Variants in PIGU observed in about 807,000 individuals in gnomAD.
PIGU encodes the protein GPI-anchor transamidase component PIGU.
A neutral mutation model predicts 49.9 loss-of-function variants in PIGU; 24 were observed. The observed-to-expected ratio is 0.48, with a 90% confidence interval of 0.35 to 0.68. PIGU has a LOEUF of 0.68. Among genes scored for constraint, PIGU ranks in the 30% least tolerant of loss-of-function variants. The pLI, the probability that PIGU is intolerant of heterozygous loss-of-function variation, is 0.01. For missense variants in PIGU, 490 were observed against 532.6 expected (o/e 0.92, Z 0.79); for synonymous variants, 220 against 205.7 (o/e 1.07, Z -0.59).
chr20:34,658,191 C>T (rs1162057898), intron 1 of PIGU, among the ~76,000 whole-genome samples: 1 of 152,264 alleles, frequency 6.6e-6, no homozygotes, highest in Non-Finnish European at 1.5e-5. Flanking sequence ...GACGGGGTTT[C>T]GCTGTGTTGG....
At chr20:34,638,808 T>C (rs550106606) in intron 4 of PIGU, among the ~76,000 whole-genome samples, 13 of 152,268 alleles carry the variant, frequency 8.5e-5, no homozygotes, top group African/African-American at 3.1e-4. Context: ...AACAAGTTCA[T>C]GGGTGTGTTC....
At chr20:34,672,608 T>C (rs1987341285) in intron 1 of PIGU, among the ~76,000 whole-genome samples, 2 of 151,970 alleles carry the variant, frequency 1.3e-5, no homozygotes, top group Non-Finnish European at 2.9e-5. Context: ...ATCCCAGCAC[T>C]TTGGGAGGCC....
chr20:34,657,835 AATTT>A (rs1003822639), intron 1 of PIGU, among the ~76,000 whole-genome samples: 28 of 152,314 alleles, frequency 1.8e-4, no homozygotes, highest in African/African-American at 6.5e-4. Flanking sequence ...CATTAATGAA[AATTT>A]ATTTCAATGA....
At chr20:34,613,202 T>C (rs551856902) in intron 7 of PIGU, among the ~76,000 whole-genome samples, 3 of 152,222 alleles carry the variant, frequency 2.0e-5, no homozygotes, top group African/African-American at 7.2e-5. Flanking sequence ...CTTGATCTAG[T>C]ACAATGTTCT....
intron 7 of PIGU, among the ~76,000 whole-genome samples, chr20:34,614,759 G>A (rs1205232573): frequency 6.6e-6 from 1 of 152,036 alleles, no homozygotes; most frequent in Non-Finnish European, 1.5e-5. Flanking sequence ...ATCATTGTCT[G>A]CATCAACACA....
rs1429131414 is a variant in PIGU at position 34,654,048 on chromosome 20, G to A, written c.195+3132C>T. Among the ~76,000 whole-genome samples the A allele has an allele frequency of 2.0e-4, 26 of 127,578 alleles. 2 individuals are homozygous for A. The allele number at this position is 127,578 out of a possible 152,430, so 83.7% of individuals were successfully genotyped here. A position where few individuals can be genotyped will look rare whatever the true frequency, so the allele number is the denominator to read the frequency against. On this transcript the variant is annotated intron_variant, in intron 2 of 11. Coordinates refer to ENST00000217446, the MANE Select transcript of PIGU (RefSeq NM_080476.5). ...AATTTTTTGTATTTTTAGTAGAGAC[G>A]GGGTTTCGCCATATTGGCCAGGCTG...
chr20:34,640,321 T>C (rs1362121394), intron 4 of PIGU, among the ~76,000 whole-genome samples: 2 of 152,220 alleles, frequency 1.3e-5, no homozygotes, highest in Non-Finnish European at 2.9e-5. Flanking sequence ...CTCAGCTTTC[T>C]AGTCTCCCTC....
chr20:34,647,908 T>C (rs1986410364), intron 2 of PIGU, among the ~76,000 whole-genome samples: 1 of 152,158 alleles, frequency 6.6e-6, no homozygotes, highest in African/African-American at 2.4e-5. Flanking sequence ...TACATCCTTA[T>C]TGATTTTTTT....
intron 11 of PIGU, among the ~76,000 whole-genome samples, chr20:34,564,423 C>T (rs1982658198): frequency 1.3e-5 from 2 of 152,182 alleles, no homozygotes; most frequent in Admixed American, 1.3e-4. Context: ...ATTCCAGCTA[C>T]TCGGGAAGCC....
intron 5 of PIGU, 98 bp downstream of exon 5, chr20:34,637,778 T>C (rs1986013127): frequency 1.3e-6 from 2 of 1,576,940 alleles, no homozygotes; most frequent in African/African-American, 1.4e-5. Flanking sequence ...TGACTAAGAT[T>C]GCAAATCTCC....
intron 4 of PIGU, among the ~76,000 whole-genome samples, chr20:34,639,180 T>A (rs553685322): frequency 6.6e-6 from 1 of 152,178 alleles, no homozygotes; most frequent in South Asian, 2.1e-4. Flanking sequence ...GGCAGGCAGA[T>A]CACAAGGTCA....
chr20:34,667,532 G>A (rs577080562), intron 1 of PIGU, among the ~76,000 whole-genome samples: 12 of 151,830 alleles, frequency 7.9e-5, no homozygotes, highest in African/African-American at 2.4e-4. Context: ...AGATGAAAGC[G>A]GTCCCAATGG....
At chr20:34,618,013 T>C (rs1347868278) in intron 6 of PIGU, among the ~76,000 whole-genome samples, 1 of 152,186 alleles carries the variant, frequency 6.6e-6, no homozygotes, top group Non-Finnish European at 1.5e-5. Context: ...CCACCATGAT[T>C]GTGAGACCTT....
At chr20:34,594,043 G>A (rs1216058112) in intron 7 of PIGU, among the ~76,000 whole-genome samples, 1 of 151,764 alleles carries the variant, frequency 6.6e-6, no homozygotes, top group Non-Finnish European at 1.5e-5. Context: ...CCTATGTGGT[G>A]GTGCACACCT....
At position 34,560,832 on chromosome 20, in the gene PIGU, C is replaced by A; in HGVS notation, c.*34G>T. 1 of 1,481,178 alleles carries A rather than the reference C, an allele frequency of 6.8e-7. No homozygotes were observed. 91.8% of individuals were successfully genotyped at this position (1,481,178 alleles called of 1,614,324 possible). A position where few individuals can be genotyped will look rare whatever the true frequency, so the allele number is the denominator to read the frequency against. On this transcript the variant is annotated 3_prime_UTR_variant, in exon 12 of 12. Transcript: ENST00000217446. ...TGGCCCAGCTTCTGGCCCCACAGCC[C>A]CCTGAGGTCCATGCAGCCCTGTGCC... is the stretch of plus-strand genomic sequence containing the variant.
At chr20:34,616,621 A>G (rs1278837442) in intron 6 of PIGU, among the ~76,000 whole-genome samples, 1 of 152,130 alleles carries the variant, frequency 6.6e-6, no homozygotes, top group Non-Finnish European at 1.5e-5. Flanking sequence ...TTTCTTTTCA[A>G]ATGAAAGTAT....
chr20:34,592,622 C>A (rs1373306752), intron 7 of PIGU, among the ~76,000 whole-genome samples: 1 of 151,974 alleles, frequency 6.6e-6, no homozygotes, highest in African/African-American at 2.4e-5. Context: ...GCCTGTGTAA[C>A]TAAAAAGAAG....
intron 7 of PIGU, among the ~76,000 whole-genome samples, chr20:34,593,615 GA>G: frequency 1.3e-5 from 2 of 152,272 alleles, no homozygotes; most frequent in South Asian, 4.2e-4. Flanking sequence ...ATATCACTAT[GA>G]TAAAAATTGA....
intron 11 of PIGU, among the ~76,000 whole-genome samples, chr20:34,573,728 T>C (rs1010654397): frequency 6.6e-5 from 10 of 152,254 alleles, no homozygotes; most frequent in Non-Finnish European, 1.2e-4. Context: ...AATTGAGCCC[T>C]GCAGAATTCT....
Sources: allele counts gnomAD v4.1 joint callset (sites outside exome capture counted in the v4.1 genomes callset), GRCh38; gene constraint gnomAD v4.1.1; transcripts MANE v1.5; gene names NCBI Gene and HGNC (gene_info 2026-07-23, HGNC 2026-07-21).